Variants in MAP4K4 observed in about 807,000 individuals in gnomAD.
MAP4K4 encodes the protein mitogen-activated protein kinase kinase kinase kinase 4.
A neutral mutation model predicts 189.6 loss-of-function variants in MAP4K4; 38 were observed. The ratio of observed to expected loss-of-function variants is 0.20; its 90% CI spans 0.15 to 0.26. MAP4K4 has a LOEUF of 0.26. Among genes scored for constraint, MAP4K4 ranks in the 10% least tolerant of loss-of-function variants. MAP4K4 has a pLI of 1.00. For synonymous variants in MAP4K4, 610 were observed against 624.3 expected (o/e 0.98, Z 0.34); for missense variants, 1,054 against 1,726.9 (o/e 0.61, Z 6.91).
Position 101,790,794 on chromosome 2 carries a change from A to G in MAP4K4, c.180+18A>G. On this transcript the variant is annotated intron_variant, in intron 3 of 32. Transcript: ENST00000324219. ...TCACTGAGGTAAGATTGAGTCACAC[A>G]CATTTTTAAATAATGTTAGATGGAA... The G allele has an allele frequency of 6.3e-7, 1 of 1,587,010 alleles. No individual in the cohort carries two copies. The highest frequency in any genetic ancestry group is 8.6e-7 in the Non-Finnish European group (1 of 1,159,506).
chr2:101,788,376 CG>C (rs1379870541), intron 2 of MAP4K4, among the ~76,000 whole-genome samples: 1 of 152,114 alleles, frequency 6.6e-6, no homozygotes. Flanking sequence ...GACTCTAGAA[CG>C]GGGGCGAAGC....
At chr2:101,859,530 C>A (rs1042735926) in intron 14 of MAP4K4, 113 bp from the exon 15 acceptor site, 16 of 836,434 alleles carry the variant, frequency 1.9e-5, no homozygotes, top group Admixed American at 2.9e-5. Flanking sequence ...TGCTTTCTTA[C>A]AAAACACAGA....
chr2:101,834,459 T>C (rs367992778), exon 8 of MAP4K4: 2 of 1,607,448 alleles, frequency 1.2e-6, no homozygotes, highest in South Asian at 1.1e-5. Flanking sequence ...CAGAAGGTGC[T>C]CCCCGTAAGT....
intron 2 of MAP4K4, among the ~76,000 whole-genome samples, chr2:101,734,232 A>G (rs1178035549): frequency 6.6e-6 from 1 of 152,218 alleles, no homozygotes; most frequent in East Asian, 1.9e-4. Context: ...ACAGAGTTAA[A>G]ATATTAAGGA....
At position 101,835,891 on chromosome 2, in the gene MAP4K4, T is replaced by A; in HGVS notation, c.695-9T>A. On this transcript the variant is annotated splice_polypyrimidine_tract_variant and intron_variant, in intron 8 of 32. Coordinates refer to ENST00000324219, the Ensembl canonical transcript of MAP4K4. ...GTGCCATACTGACACGACCGTCTCCTCTCCCCAGCTCTCTGTGACATGCAT... is the reference window on the plus strand; with the variant it reads ...GTGCCATACTGACACGACCGTCTCCACTCCCCAGCTCTCTGTGACATGCAT... The A allele has an allele frequency of 1.9e-6, 3 of 1,602,610 alleles. No homozygotes were observed. The highest frequency in any genetic ancestry group is 2.6e-6 in the Non-Finnish European group (3 of 1,169,822).
chr2:101,868,408 A>G (rs1263328054), intron 21 of MAP4K4, among the ~76,000 whole-genome samples: 2 of 152,236 alleles, frequency 1.3e-5, no homozygotes, highest in Non-Finnish European at 2.9e-5. Flanking sequence ...AAAGAGCTAC[A>G]TAGACTGCGT....
chr2:101,698,268 T>C, intron 1 of MAP4K4, 131 bp downstream of exon 1: 1 of 418,140 alleles, frequency 2.4e-6, no homozygotes, highest in Non-Finnish European at 3.6e-6. Flanking sequence ...CCCCTTTGTC[T>C]TCCTGTGCGG....
intron 3 of MAP4K4, among the ~76,000 whole-genome samples, chr2:101,817,898 C>T (rs552021680): frequency 7.9e-5 from 12 of 151,956 alleles, no homozygotes; most frequent in African/African-American, 2.2e-4. Context: ...TTGGGGGGTG[C>T]GGATTAATTT....
At chr2:101,883,996 T>C (rs1330968638) in intron 28 of MAP4K4, among the ~76,000 whole-genome samples, 1 of 152,174 alleles carries the variant, frequency 6.6e-6, no homozygotes, top group Non-Finnish European at 1.5e-5. Context: ...ATGAAACAGC[T>C]CATAACAGAT....
chr2:101,819,928 G>C (rs1428792753), intron 3 of MAP4K4, among the ~76,000 whole-genome samples: 3 of 152,212 alleles, frequency 2.0e-5, no homozygotes, highest in African/African-American at 7.2e-5. Flanking sequence ...AATACATGGT[G>C]CCATGGTGAT....
chr2:101,744,258 C>G (rs1195099344), intron 2 of MAP4K4, among the ~76,000 whole-genome samples: 1 of 152,114 alleles, frequency 6.6e-6, no homozygotes, highest in Non-Finnish European at 1.5e-5. Flanking sequence ...TTTATTTAAC[C>G]TATTTTAGCC....
chr2:101,721,471 T>C (rs1375242787), intron 2 of MAP4K4, among the ~76,000 whole-genome samples: 1 of 150,512 alleles, frequency 6.6e-6, no homozygotes, highest in Non-Finnish European at 1.5e-5. Context: ...AGTGTTGCTC[T>C]GTTGCCCAGG....
intron 3 of MAP4K4, among the ~76,000 whole-genome samples, chr2:101,812,348 A>G (rs1294534309): frequency 6.6e-6 from 1 of 152,150 alleles, no homozygotes; most frequent in African/African-American, 2.4e-5. Context: ...TTAGGGAGTG[A>G]TGTTGTTTGA....
chr2:101,793,743 G>A (rs2093317954), intron 3 of MAP4K4, among the ~76,000 whole-genome samples: 1 of 152,124 alleles, frequency 6.6e-6, no homozygotes, highest in African/African-American at 2.4e-5. Flanking sequence ...TGCAGCAGGT[G>A]TGGGAAATTG....
intron 10 of MAP4K4, among the ~76,000 whole-genome samples, chr2:101,841,645 T>C (rs1325655051): frequency 6.6e-6 from 1 of 152,134 alleles, no homozygotes; most frequent in Non-Finnish European, 1.5e-5. Context: ...GTTTTTGTAT[T>C]TTTAATAGAG....
chr2:101,748,358 GAAAAC>G lies in MAP4K4; in HGVS notation c.124-42349_124-42345del, dbSNP rs1041795263. ...TCTGGTATTTGCCTTTTAAAAGCAA[GAAAAC>G]AAAACAAAACAACAGCTTCTACTGT... On this transcript the variant is annotated intron_variant, in intron 2 of 32. Transcript: ENST00000324219. Among the ~76,000 whole-genome samples the G allele has an allele frequency of 9.2e-5, 14 of 152,300 alleles. No individual in the cohort carries two copies. In the East Asian group the frequency reaches 1.9e-3, roughly 21 times the overall value.
chr2:101,841,780 G>A (rs1343564779), intron 10 of MAP4K4, among the ~76,000 whole-genome samples: 1 of 152,028 alleles, frequency 6.6e-6, no homozygotes, highest in Non-Finnish European at 1.5e-5. Flanking sequence ...TTTTCATCTT[G>A]TATATCTTTG....
intron 3 of MAP4K4, among the ~76,000 whole-genome samples, chr2:101,808,924 C>G (rs940986984): frequency 5.3e-5 from 8 of 152,096 alleles, no homozygotes; most frequent in African/African-American, 1.9e-4. Context: ...GTCTCACCCC[C>G]CCGACGTTCT....
At chr2:101,710,964 G>A (rs1333471598) in intron 2 of MAP4K4, among the ~76,000 whole-genome samples, 2 of 152,208 alleles carry the variant, frequency 1.3e-5, no homozygotes, top group Non-Finnish European at 2.9e-5. Context: ...CATCTGCACT[G>A]TTTGGTGCTC....
Sources: gnomAD v4.1 joint callset for allele counts (sites outside exome capture counted in the v4.1 genomes callset) on GRCh38, gnomAD v4.1.1 for gene constraint, MANE v1.5 for transcripts, NCBI Gene and HGNC (gene_info 2026-07-23, HGNC 2026-07-21) for gene names.